Variants in PDS5B observed in about 807,000 individuals in gnomAD.
The protein encoded by PDS5B is PDS5 cohesin associated factor B, also known as sister chromatid cohesion protein PDS5 homolog B.
In PDS5B, 51 loss-of-function variants were observed where a neutral mutation model predicts 184.1. That is an observed-to-expected ratio of 0.28 (90% CI 0.22 to 0.35). The LOEUF is 0.35. Ranked by LOEUF, PDS5B falls within the 10% of genes least tolerant of loss-of-function variation. The pLI is 1.00. For synonymous variants in PDS5B, 566 were observed against 569.2 expected (o/e 0.99, Z 0.08); for missense variants, 1,180 against 1,723.3 (o/e 0.68, Z 5.58).
chr13:32,631,725 G>C (rs1353977299), intron 1 of PDS5B, among the ~76,000 whole-genome samples: 4 of 152,168 alleles, frequency 2.6e-5, no homozygotes, highest in Non-Finnish European at 4.4e-5. Flanking sequence ...ATATAGTATA[G>C]GCCAGGAATA....
At chr13:32,750,033 G>C (rs181045914) in intron 24 of PDS5B, among the ~76,000 whole-genome samples, 1 of 152,208 alleles carries the variant, frequency 6.6e-6, no homozygotes, top group Admixed American at 6.5e-5. Context: ...GACTTCCTCA[G>C]TTCCCAGTAG....
intron 13 of PDS5B, chr13:32,690,445 G>A (rs1222858626): frequency 6.6e-6 from 1 of 152,098 alleles, no homozygotes; most frequent in Non-Finnish European, 1.5e-5. Context: ...GTGTTCCAAG[G>A]TTCTTTTGTC....
At chr13:32,746,603 C>T (rs1953751120) in intron 24 of PDS5B, among the ~76,000 whole-genome samples, 1 of 152,168 alleles carries the variant, frequency 6.6e-6, no homozygotes, top group African/African-American at 2.4e-5. Flanking sequence ...TTTGGAACGC[C>T]AGACAGCAGT....
chr13:32,724,075 C>T (rs1952812016), intron 19 of PDS5B, among the ~76,000 whole-genome samples: 1 of 152,166 alleles, frequency 6.6e-6, no homozygotes, highest in Non-Finnish European at 1.5e-5. Flanking sequence ...ACACAGTTAA[C>T]ACTAATAACT....
At chr13:32,666,982 A>T (rs572007415) in intron 6 of PDS5B, among the ~76,000 whole-genome samples, 151 of 152,328 alleles carry the variant, frequency 9.9e-4, no homozygotes, top group Admixed American at 2.7e-3. Flanking sequence ...TGAATAGGAC[A>T]ATCAGTAAAG....
intron 1 of PDS5B, among the ~76,000 whole-genome samples, chr13:32,634,716 G>A (rs952655099): frequency 1.3e-5 from 2 of 151,012 alleles, no homozygotes; most frequent in African/African-American, 4.9e-5. Context: ...CCCGAGTAGC[G>A]GGGATTACAG....
rs1299286042 is a variant in PDS5B, at chr13:32,746,069, A to G, written c.2705A>G (p.Glu902Gly). The change falls in exon 24 of 35, where the codon GAA becomes GGA. Residue 902 changes from glutamate to glycine, a missense_variant. Glu to Gly is a moderately conservative substitution (Grantham distance 98). Coordinates refer to ENST00000315596, the MANE Select transcript of PDS5B (RefSeq NM_015032.4). ...EPCYHEIITL[E>G]QYQLCALAIN... is the part of the protein sequence containing the mutation. ...TGTTACCATGAAATCATCACATTAGAACAATATCAGCTATGTGCATTAGCT... is the reference window on the plus strand; with the variant it reads ...TGTTACCATGAAATCATCACATTAGGACAATATCAGCTATGTGCATTAGCT... 1 of 1,613,614 alleles carries G rather than the reference A, an allele frequency of 6.2e-7. No homozygotes were observed. Among genetic ancestry groups the G allele is most frequent in the South Asian group, 1.1e-5 (1 of 91,062 alleles).
At chr13:32,721,674 C>T (rs1266780530) in intron 19 of PDS5B, among the ~76,000 whole-genome samples, 2 of 151,074 alleles carry the variant, frequency 1.3e-5, no homozygotes, top group Non-Finnish European at 3.0e-5. Flanking sequence ...CCCCACGTCC[C>T]AGATAGTGGG....
chr13:32,701,613 G>GAC (rs796793611), intron 17 of PDS5B, among the ~76,000 whole-genome samples, 175 bp downstream of exon 17: 1 of 42,644 alleles, frequency 2.3e-5, no homozygotes, highest in Non-Finnish European at 5.4e-5. Context: ...CACACACACA[G>GAC]ACACACACAT....
chr13:32,739,960 G>T (rs969780250), intron 21 of PDS5B, among the ~76,000 whole-genome samples: 1 of 152,016 alleles, frequency 6.6e-6, no homozygotes, highest in African/African-American at 2.4e-5. Flanking sequence ...GGTAGTATCT[G>T]ATAGTTTCTT....
chr13:32,669,523 A>T (rs1291668162), intron 7 of PDS5B, among the ~76,000 whole-genome samples: 1 of 152,176 alleles, frequency 6.6e-6, no homozygotes, highest in Non-Finnish European at 1.5e-5. Context: ...AATGTTTATA[A>T]TGGAAGTTAA....
intron 1 of PDS5B, among the ~76,000 whole-genome samples, chr13:32,595,274 A>G (rs767745179): frequency 2.0e-5 from 3 of 152,154 alleles, no homozygotes; most frequent in Non-Finnish European, 4.4e-5. Context: ...CACATTACAT[A>G]AGTTACCAAA....
At chr13:32,606,251 C>G (rs1165254295) in intron 1 of PDS5B, among the ~76,000 whole-genome samples, 1 of 152,116 alleles carries the variant, frequency 6.6e-6, no homozygotes, top group Non-Finnish European at 1.5e-5. Flanking sequence ...AGCTCTTGTA[C>G]GGCAGGCCTG....
chr13:32,741,055 T>G (rs1953527989), intron 21 of PDS5B, 25 bp from the exon 22 acceptor site: 2 of 1,306,492 alleles, frequency 1.5e-6, no homozygotes, highest in East Asian at 2.3e-5. Flanking sequence ...TCCCTGGTTT[T>G]TTTTTTTTTC....
intron 1 of PDS5B, among the ~76,000 whole-genome samples, chr13:32,638,855 T>C (rs2058609993): frequency 6.6e-6 from 1 of 151,226 alleles, no homozygotes. Context: ...AGGGAGGGAA[T>C]GGGTGCAAAT....
intron 19 of PDS5B, among the ~76,000 whole-genome samples, chr13:32,715,946 C>G (rs1411011318): frequency 6.6e-6 from 1 of 152,288 alleles, no homozygotes; most frequent in African/African-American, 2.4e-5. Flanking sequence ...CAGACAGAGT[C>G]TGGTTCACTC....
chr13:32,665,313 T>C (rs1371371046), intron 6 of PDS5B, among the ~76,000 whole-genome samples: 2 of 151,996 alleles, frequency 1.3e-5, no homozygotes, highest in Admixed American at 6.6e-5. Context: ...CTTTGGGGGC[T>C]GGGCACAGTG....
intron 2 of PDS5B, chr13:32,649,107 C>T (rs374360409): frequency 4.7e-6 from 2 of 427,044 alleles, no homozygotes; most frequent in South Asian, 2.8e-5. Flanking sequence ...CTAGGATCTC[C>T]TATACTTGGG....
chr13:32,692,554 C>G (rs1951586592), intron 13 of PDS5B, among the ~76,000 whole-genome samples: 1 of 148,846 alleles, frequency 6.7e-6, no homozygotes, highest in Admixed American at 6.8e-5. Context: ...CTGTCTTTTT[C>G]TTTGAGTTGC....
Sources: gnomAD v4.1 joint callset for allele counts (sites outside exome capture counted in the v4.1 genomes callset) on GRCh38, gnomAD v4.1.1 for gene constraint, MANE v1.5 for transcripts, NCBI Gene and HGNC (gene_info 2026-07-23, HGNC 2026-07-21) for gene names.